DPY19L3: variants seen among roughly 807,000 people sequenced by gnomAD.
DPY19L3 encodes dpy-19 like C-mannosyltransferase 3, also known as protein C-mannosyl-transferase DPY19L3.
A neutral mutation model predicts 92.3 loss-of-function variants in DPY19L3; 51 were observed. That is an observed-to-expected ratio of 0.55 (90% CI 0.44 to 0.70). The LOEUF is 0.70. Ranked by LOEUF, DPY19L3 falls within the 30% of genes least tolerant of loss-of-function variation. The probability of loss-of-function intolerance (pLI) is 0.00; values close to 1 mark genes in which losing one functional copy is unlikely to be tolerated. For missense variants in DPY19L3, 706 were observed against 855.9 expected (o/e 0.82, Z 2.18); for synonymous variants, 309 against 315.2 (o/e 0.98, Z 0.21).
At chr19:32,427,115 C>T (rs1270923468) in intron 3 of DPY19L3, among the ~76,000 whole-genome samples, 5 of 152,088 alleles carry the variant, frequency 3.3e-5, no homozygotes, top group Non-Finnish European at 7.4e-5. Context: ...CACTGCAACC[C>T]CTCAAGTAGC....
chr19:32,462,989 T>C (rs934624623), intron 12 of DPY19L3, among the ~76,000 whole-genome samples: 1 of 152,206 alleles, frequency 6.6e-6, no homozygotes, highest in African/African-American at 2.4e-5. Context: ...GTTTTGCTTT[T>C]GCTTATTTGT....
intron 12 of DPY19L3, 105 bp from the exon 13 acceptor site, chr19:32,463,259 ATT>A: frequency 8.1e-7 from 1 of 1,240,656 alleles, no homozygotes; most frequent in Non-Finnish European, 1.1e-6. Context: ...GAAATAATCA[ATT>A]TCTGAATACA....
At chr19:32,457,662 AGTCTTGGATCAATT>A (rs1209731244) in intron 10 of DPY19L3, among the ~76,000 whole-genome samples, 1 of 152,334 alleles carries the variant, frequency 6.6e-6, no homozygotes, top group African/African-American at 2.4e-5. Context: ...TGAGTGAATA[AGTCTTGGATCAATT>A]GTATCCACAG....
intron 1 of DPY19L3, among the ~76,000 whole-genome samples, chr19:32,407,282 C>T (rs1433354639): frequency 7.4e-6 from 1 of 135,120 alleles, no homozygotes; most frequent in Admixed American, 7.4e-5. Flanking sequence ...ACCCATTACT[C>T]CCACCGACGC....
At position 32,408,311 on chromosome 19, in the gene DPY19L3, C is replaced by G. The variant is rs751244051; in HGVS notation, c.58C>G (p.Pro20Ala). The change falls in exon 2 of 19, where the codon CCA (proline) becomes GCA (alanine). Residue 20 changes from proline to alanine, a missense_variant. Coordinates refer to ENST00000392250, the MANE Select transcript of DPY19L3 (RefSeq NM_001172774.2). The stretch of plus-strand genomic sequence containing the variant: ...AGCCACAGAAGTTTCTGAAGACTTT[C>G]CAGCCCAAGAAGAAAATGTGAAGTT... ...IRATEVSEDF[P>A]AQEENVKLEN... The G allele has an allele frequency of 1.9e-6, 3 of 1,613,744 alleles. No homozygotes were observed. The highest frequency in any genetic ancestry group is 2.5e-6 in the Non-Finnish European group (3 of 1,179,984).
In DPY19L3 at chr19:32,482,236, A is replaced by C; in HGVS notation, c.2147A>C (p.Lys716Thr). The C allele has an allele frequency of 6.2e-7, 1 of 1,610,812 alleles. No homozygotes were observed. The highest frequency in any genetic ancestry group is 8.5e-7 in the Non-Finnish European group (1 of 1,179,050). Residue 716 changes from lysine to threonine, a missense_variant, in exon 19 of 19, where the codon AAG becomes ACG. Transcript: ENST00000392250. ...TFHVYKLSRN[K>T] ...CACGTTTACAAGCTGTCCAGAAACAAGTAGCGCAGATTTCTGCCCAGTGTC... is the reference window on the plus strand; with the variant it reads ...CACGTTTACAAGCTGTCCAGAAACACGTAGCGCAGATTTCTGCCCAGTGTC...
intron 2 of DPY19L3, among the ~76,000 whole-genome samples, chr19:32,408,615 A>G (rs1968065936): frequency 6.6e-6 from 1 of 152,172 alleles, no homozygotes; most frequent in Non-Finnish European, 1.5e-5. Flanking sequence ...TTGACTCTCT[A>G]GAGTAATGGT....
intron 15 of DPY19L3, among the ~76,000 whole-genome samples, chr19:32,465,935 A>G (rs181791383): frequency 1.6e-4 from 25 of 152,350 alleles, no homozygotes; most frequent in Admixed American, 1.6e-3. Flanking sequence ...ATTAAACAGT[A>G]TATGTTACTG....
chr19:32,408,166 G>A, intron 1 of DPY19L3, 51 bp from the exon 2 acceptor site: 2 of 876,038 alleles, frequency 2.3e-6, no homozygotes, highest in Non-Finnish European at 3.7e-6. Flanking sequence ...TGAGCACGGG[G>A]TGTGTTGGGG....
intron 12 of DPY19L3, among the ~76,000 whole-genome samples, chr19:32,459,902 A>G (rs1568351951): frequency 6.6e-6 from 1 of 152,224 alleles, no homozygotes; most frequent in African/African-American, 2.4e-5. Context: ...AGAAATGCAT[A>G]TTAGGCGATT....
intron 9 of DPY19L3, among the ~76,000 whole-genome samples, chr19:32,454,021 T>C (rs1365539293): frequency 6.6e-6 from 1 of 152,184 alleles, no homozygotes; most frequent in Non-Finnish European, 1.5e-5. Context: ...TATTAGTCTT[T>C]TGAGTGAGAA....
intron 2 of DPY19L3, among the ~76,000 whole-genome samples, chr19:32,410,237 C>T (rs1020229149): frequency 2.6e-5 from 4 of 152,066 alleles, no homozygotes; most frequent in Admixed American, 6.5e-5. Flanking sequence ...TTGTACATTG[C>T]CTGTTCATGT....
intron 3 of DPY19L3, among the ~76,000 whole-genome samples, chr19:32,422,630 A>ACACACACG (rs1491569629): frequency 2.5e-3 from 1 of 398 alleles, no homozygotes; most frequent in African/African-American, 5.2e-3. Flanking sequence ...ATCAGGAAAA[A>ACACACACG]CACACACACA....
In DPY19L3 at chr19:32,482,988, A is replaced by G. The variant is rs1372966445; in HGVS notation, c.*748A>G. 2 of 152,232 alleles carry G rather than the reference A, an allele frequency of 1.3e-5. No individual in the cohort carries two copies. The highest frequency in any genetic ancestry group is 2.9e-5 in the Non-Finnish European group (2 of 68,042). The allele number at this position is 152,232 out of a possible 1,614,324, so 9.4% of individuals were successfully genotyped here. On this transcript the variant is annotated 3_prime_UTR_variant, in exon 19 of 19. Transcript: ENST00000392250. ...TATATGTAGCCAAGTAGAATTTATT[A>G]CATTTTAGTGTTATTATTTTAAAAC...
chr19:32,412,952 A>AG (rs1408714812), intron 3 of DPY19L3: 1 of 151,234 alleles, frequency 6.6e-6, no homozygotes, highest in Admixed American at 6.6e-5. Context: ...AAAAAAGTTG[A>AG]GGGGGTGGTC....
chr19:32,445,253 A>G (rs1018612458), intron 8 of DPY19L3, among the ~76,000 whole-genome samples: 2 of 151,394 alleles, frequency 1.3e-5, no homozygotes, highest in Admixed American at 1.3e-4. Context: ...CATCCTGGCT[A>G]ACATGGTGAA....
chr19:32,456,534 T>A (rs559588183), intron 10 of DPY19L3, among the ~76,000 whole-genome samples: 1 of 151,940 alleles, frequency 6.6e-6, no homozygotes, highest in Non-Finnish European at 1.5e-5. Context: ...CCTCCTGGGC[T>A]CAAGCAATCC....
rs187597943 is a variant in DPY19L3, at chr19:32,481,990, T to C, written c.1990-89T>C. 51 of 1,427,442 alleles carry C rather than the reference T, an allele frequency of 3.6e-5. No homozygotes were observed. In the African/African-American group the frequency reaches 7.0e-4, roughly 20 times the overall value. 88.4% of individuals were successfully genotyped at this position (1,427,442 alleles called of 1,614,324 possible). ...TAATTTAATTTCACTCACATACCAT[T>C]CTTAAACCCAATACCCATTCCTGCT... is the stretch of plus-strand genomic sequence containing the variant. On this transcript the variant is annotated intron_variant, in intron 18 of 18. Transcript: ENST00000392250.
intron 8 of DPY19L3, among the ~76,000 whole-genome samples, chr19:32,449,686 A>C (rs1431437596): frequency 6.6e-6 from 1 of 152,210 alleles, no homozygotes; most frequent in Non-Finnish European, 1.5e-5. Flanking sequence ...TGGTGTTTTC[A>C]ACAAATGGTG....
Sources: allele counts gnomAD v4.1 joint callset (sites outside exome capture counted in the v4.1 genomes callset), GRCh38; gene constraint gnomAD v4.1.1; transcripts MANE v1.5; gene names NCBI Gene and HGNC (gene_info 2026-07-23, HGNC 2026-07-21).